FAIM: variants seen among roughly 807,000 people sequenced by gnomAD.
FAIM encodes the protein fas apoptotic inhibitory molecule 1.
In FAIM, 14 loss-of-function variants were observed where a neutral mutation model predicts 21.2. The ratio of observed to expected loss-of-function variants is 0.66; its 90% CI spans 0.44 to 1.03. The LOEUF (loss-of-function observed/expected upper bound fraction) is 1.03. FAIM is among the 50% of genes least tolerant of loss of function. FAIM has a pLI of 0.00. For synonymous variants in FAIM, 86 were observed against 80.4 expected (o/e 1.07, Z -0.37); for missense variants, 222 against 247.1 (o/e 0.90, Z 0.68).
chr3:138,628,465 T>TTTTA (rs58887564), intron 4 of FAIM, among the ~76,000 whole-genome samples: 17,999 of 149,116 alleles, frequency 0.12, 1,601 homozygotes, highest in African/African-American at 0.25. Context: ...CATCCTTCTT[T>TTTTA]TTTATTTATT....
intron 5 of FAIM, among the ~76,000 whole-genome samples, chr3:138,632,170 T>G (rs893294413): frequency 6.6e-6 from 1 of 151,208 alleles, no homozygotes; most frequent in African/African-American, 2.4e-5. Context: ...AGGACCTTCA[T>G]GTGTAATTTT....
intron 1 of FAIM, among the ~76,000 whole-genome samples, chr3:138,617,379 G>GTATGTATAATATGTATATAT (rs2036316021): frequency 6.8e-6 from 1 of 146,910 alleles, no homozygotes; most frequent in Non-Finnish European, 1.5e-5. Context: ...TATATTATAT[G>GTATGTATAATATGTATATAT]TATGTATAAT....
chr3:138,619,054 T>C (rs1423896704), intron 1 of FAIM, among the ~76,000 whole-genome samples: 5 of 152,222 alleles, frequency 3.3e-5, no homozygotes, highest in Non-Finnish European at 5.9e-5. Flanking sequence ...CACATAACTT[T>C]TGTGGATTCA....
chr3:138,612,097 T>C (rs1325789084), intron 1 of FAIM, among the ~76,000 whole-genome samples: 1 of 22,648 alleles, frequency 4.4e-5, no homozygotes, highest in Admixed American at 6.5e-4. Context: ...TGTCTGGCTA[T>C]TTTTTTTTTT....
At chr3:138,621,234 G>C (rs563112150) in intron 2 of FAIM, 173 bp from the exon 3 acceptor site, 1 of 641,632 alleles carries the variant, frequency 1.6e-6, no homozygotes, top group South Asian at 2.0e-5. Context: ...AAGGAAGAGT[G>C]AATAAGAGGG....
At chr3:138,611,879 C>T (rs1210760133) in intron 1 of FAIM, among the ~76,000 whole-genome samples, 2 of 152,198 alleles carry the variant, frequency 1.3e-5, no homozygotes, top group African/African-American at 4.8e-5. Flanking sequence ...TCTTGAGCTT[C>T]TCCAGACATC....
intron 1 of FAIM, among the ~76,000 whole-genome samples, chr3:138,609,586 T>TCC (rs1560491027): frequency 4.6e-4 from 13 of 28,252 alleles, no homozygotes; most frequent in Non-Finnish European, 6.7e-4. Flanking sequence ...CGACTCTCTC[T>TCC]CTCTCGACTC....
chr3:138,631,591 C>T (rs2043005862), intron 5 of FAIM, among the ~76,000 whole-genome samples: 1 of 152,140 alleles, frequency 6.6e-6, no homozygotes, highest in African/African-American at 2.4e-5. Flanking sequence ...TTGGGCAGCC[C>T]CATATCTAGG....
intron 1 of FAIM, among the ~76,000 whole-genome samples, chr3:138,610,223 G>A (rs1259835579): frequency 2.6e-5 from 4 of 152,174 alleles, no homozygotes; most frequent in African/African-American, 9.7e-5. Flanking sequence ...CCTAAGTTAA[G>A]GCAAAATTCA....
At chr3:138,609,807 C>A (rs903307445) in intron 1 of FAIM, among the ~76,000 whole-genome samples, 1 of 151,970 alleles carries the variant, frequency 6.6e-6, no homozygotes, top group Non-Finnish European at 1.5e-5. Flanking sequence ...ATCGTTGTAT[C>A]TGGGTTTTTG....
In FAIM at chr3:138,632,926, C is replaced by T; in HGVS notation, c.457-4C>T. On this transcript the variant is annotated splice_region_variant and splice_polypyrimidine_tract_variant and intron_variant, in intron 5 of 5. Coordinates refer to ENST00000360570, the MANE Select transcript of FAIM (RefSeq NM_001033031.2). The stretch of plus-strand genomic sequence containing the variant: ...ACTAATTCCTTCTTCTTTTGTTGCT[C>T]CAGGGTGAGTTTGTAGATGATGGGA... 6.2e-7 allele frequency: 1 copy of T among 1,611,498 alleles called. No homozygotes were observed. The highest frequency in any genetic ancestry group is 2.2e-5 in the East Asian group (1 of 44,772).
intron 4 of FAIM, among the ~76,000 whole-genome samples, chr3:138,628,313 C>G (rs1340222012): frequency 1.3e-5 from 2 of 152,020 alleles, no homozygotes; most frequent in Non-Finnish European, 2.9e-5. Flanking sequence ...GCTGTCTATC[C>G]TATATAAATC....
intron 1 of FAIM, among the ~76,000 whole-genome samples, chr3:138,614,760 G>T (rs1158790165): frequency 1.3e-5 from 2 of 152,060 alleles, no homozygotes; most frequent in Non-Finnish European, 2.9e-5. Context: ...AGGTAACATG[G>T]TGAAACCTCA....
chr3:138,622,405 G>A lies in FAIM; in HGVS notation c.395G>A (p.Arg132Lys). 6.3e-7 allele frequency: 1 copy of A among 1,591,890 alleles called. No individual in the cohort carries two copies. Among genetic ancestry groups the A allele is most frequent in the Non-Finnish European group, 8.5e-7 (1 of 1,171,306 alleles). ...TTACACATGGATGGTGAGAACTTTA[G>A]AATTGTTTTGGGTAAGTTAGTGCTG... ...WVLHMDGENF[R>K]IVLEKDAMDV... The change falls in exon 4 of 6, where the codon AGA becomes AAA. Residue 132 changes from arginine (R) to lysine (K), a missense_variant. Transcript: ENST00000360570.
At chr3:138,627,259 G>A (rs2042949277) in intron 4 of FAIM, among the ~76,000 whole-genome samples, 1 of 150,196 alleles carries the variant, frequency 6.7e-6, no homozygotes, top group Non-Finnish European at 1.5e-5. Flanking sequence ...TTGGCTCACT[G>A]CAACCTCTGC....
chr3:138,631,550 A>C (rs1281727788), intron 5 of FAIM, among the ~76,000 whole-genome samples: 19 of 152,220 alleles, frequency 1.2e-4, no homozygotes. Context: ...TTGCCTTCTC[A>C]TTGTAACTAC....
chr3:138,630,311 C>G (rs1379294359), intron 5 of FAIM: 2 of 151,740 alleles, frequency 1.3e-5, no homozygotes, highest in Non-Finnish European at 2.9e-5. Context: ...GTGACAAAAC[C>G]AGAAATCAAA....
intron 1 of FAIM, among the ~76,000 whole-genome samples, chr3:138,617,550 T>C (rs1440089954): frequency 1.4e-5 from 2 of 147,014 alleles, no homozygotes; most frequent in Non-Finnish European, 3.0e-5. Context: ...CCTATCTACC[T>C]ATCTGTCTAT....
intron 1 of FAIM, among the ~76,000 whole-genome samples, chr3:138,613,315 C>T (rs750102608): frequency 2.0e-5 from 3 of 151,992 alleles, no homozygotes; most frequent in Admixed American, 6.6e-5. Flanking sequence ...CCACTGCGCC[C>T]GGCCCCTTTC....
Sources: gnomAD v4.1 joint callset for allele counts (sites outside exome capture counted in the v4.1 genomes callset) on GRCh38, gnomAD v4.1.1 for gene constraint, MANE v1.5 for transcripts, NCBI Gene and HGNC (gene_info 2026-07-23, HGNC 2026-07-21) for gene names.